Variants in ATG7 observed in about 807,000 individuals in gnomAD.
ATG7 encodes ubiquitin-like modifier-activating enzyme ATG7.
A neutral mutation model predicts 82.4 loss-of-function variants in ATG7; 70 were observed. The ratio of observed to expected loss-of-function variants is 0.85; its 90% CI spans 0.70 to 1.04. The LOEUF is 1.04. Among genes scored for constraint, ATG7 ranks in the 50% least tolerant of loss-of-function variants. The pLI is 0.00. For missense variants in ATG7, 792 were observed against 864.3 expected (o/e 0.92, Z 1.05); for synonymous variants, 287 against 313.0 (o/e 0.92, Z 0.88).
chr3:11,469,490 C>T (rs1348577204), intron 20 of ATG7, among the ~76,000 whole-genome samples: 2 of 152,150 alleles, frequency 1.3e-5, no homozygotes, highest in South Asian at 2.1e-4. Flanking sequence ...ACCAACAAAC[C>T]TACCTATTAG....
rs1314378737 is a variant in ATG7, at chr3:11,417,800, A to ATTTTT, written c.1957-9000_1957-8999insTTTTT. 2.7e-4 allele frequency among the ~76,000 whole-genome samples: 30 copies of ATTTTT among 109,342 alleles called. 1 individual carries two copies. The highest frequency in any genetic ancestry group is 9.2e-4 in the East Asian group (3 of 3,264). 71.7% of individuals were successfully genotyped at this position (109,342 alleles called of 152,430 possible). On this transcript the variant is annotated intron_variant, in intron 19 of 20. Transcript: ENST00000693202. ...CATTTAAAAAATTATTATTATTATTATTTTATTTTATTTTATTTTTTTTTT... is the reference window on the plus strand; with the variant it reads ...CATTTAAAAAATTATTATTATTATTATTTTTTTTTATTTTATTTTATTTTTTTTTT...
rs1019959119 is a variant in ATG7, at chr3:11,519,599, G to A, written c.2080-35212G>A. On this transcript the variant is annotated intron_variant, in intron 20 of 20. Transcript: ENST00000693202. ...TTTTGAGACGGAGTCTCTCTCTGTC[G>A]CCCAGGCTGGAGTGCAGTGGGGCGA... is the stretch of plus-strand genomic sequence containing the variant. 8.8e-5 allele frequency among the ~76,000 whole-genome samples: 10 copies of A among 114,184 alleles called. No individual in the cohort carries two copies. In the East Asian group the frequency reaches 2.2e-3, roughly 25 times the overall value. The allele number at this position is 114,184 out of a possible 152,430, so 74.9% of individuals were successfully genotyped here.
At chr3:11,559,999 C>T (rs954513099), downstream of ATG7, among the ~76,000 whole-genome samples, 4 of 152,116 alleles carry the variant, frequency 2.6e-5, no homozygotes, top group African/African-American at 7.2e-5. Flanking sequence ...AAGTGTGGAA[C>T]GGCACACATC....
At chr3:11,532,936 C>A (rs1342461071) in intron 20 of ATG7, among the ~76,000 whole-genome samples, 1 of 152,198 alleles carries the variant, frequency 6.6e-6, no homozygotes, top group African/African-American at 2.4e-5. Context: ...ACCACCCCAG[C>A]CCCCAGAGTC....
intron 3 of ATG7, 64 bp from the exon 4 acceptor site, chr3:11,298,622 T>C (rs1310382587): frequency 6.8e-7 from 1 of 1,474,580 alleles, no homozygotes; most frequent in East Asian, 2.3e-5. Flanking sequence ...ATTACAAATG[T>C]TCTTTCTCAC....
intron 20 of ATG7, among the ~76,000 whole-genome samples, chr3:11,459,631 G>A (rs1318682852): frequency 6.6e-6 from 1 of 152,086 alleles, no homozygotes; most frequent in African/African-American, 2.4e-5. Context: ...AGCTCTTCTT[G>A]TCTGATAACA....
At position 11,338,809 on chromosome 3, in the gene ATG7, A is replaced by G. The variant is rs536595094; in HGVS notation, c.890-1836A>G. Among the ~76,000 whole-genome samples the G allele has an allele frequency of 2.0e-5, 3 of 152,358 alleles. No homozygotes were observed. In the South Asian group the frequency reaches 6.2e-4, roughly 32 times the overall value. Reference sequence around the variant, plus strand: ...GGGGCCCAACTAGCTTTCAAGGATAATTGGTCCTATGGTTTCTCATTGACC... The same window carrying G: ...GGGGCCCAACTAGCTTTCAAGGATAGTTGGTCCTATGGTTTCTCATTGACC... On this transcript the variant is annotated intron_variant, in intron 11 of 20. Transcript: ENST00000693202.
chr3:11,493,435 T>C (rs2090562624), intron 20 of ATG7, among the ~76,000 whole-genome samples: 1 of 152,178 alleles, frequency 6.6e-6, no homozygotes, highest in Non-Finnish European at 1.5e-5. Context: ...AAAAAGACAT[T>C]ATTCAGAAAG....
chr3:11,319,002 C>T (rs1949839965), intron 9 of ATG7, among the ~76,000 whole-genome samples: 1 of 152,208 alleles, frequency 6.6e-6, no homozygotes, highest in African/African-American at 2.4e-5. Flanking sequence ...ATATCCCCAG[C>T]CTGTGAGCAA....
At chr3:11,313,199 A>C in intron 7 of ATG7, 105 bp from the exon 8 acceptor site, 1 of 646,874 alleles carries the variant, frequency 1.5e-6, no homozygotes, top group Non-Finnish European at 2.6e-6. Context: ...CTTTGTTTGC[A>C]TAGCTTTGCT....
At chr3:11,558,541 G>A (rs2125094833), downstream of ATG7, 3 of 1,595,242 alleles carry the variant, frequency 1.9e-6, no homozygotes, top group Non-Finnish European at 1.7e-6. Flanking sequence ...CGTGTTGTTG[G>A]AGGAGGCGCT....
At chr3:11,333,886 C>T (rs911198706) in intron 11 of ATG7, among the ~76,000 whole-genome samples, 10 of 151,260 alleles carry the variant, frequency 6.6e-5, no homozygotes, top group African/African-American at 2.2e-4. Context: ...TAGCTGGGAC[C>T]ACAGGCGCCC....
intron 18 of ATG7, among the ~76,000 whole-genome samples, chr3:11,371,246 GAAGAGAAGT>G (rs2076975276): frequency 6.6e-6 from 1 of 151,242 alleles, no homozygotes; most frequent in Non-Finnish European, 1.5e-5. Flanking sequence ...AAGGGAAAAG[GAAGAGAAGT>G]AAGTGCTTTA....
At chr3:11,510,344 C>G (rs1383512764) in intron 20 of ATG7, 1 of 451,932 alleles carries the variant, frequency 2.2e-6, no homozygotes, top group South Asian at 1.6e-5. Flanking sequence ...GTGTTATTAC[C>G]TCTTATTTGT....
rs1298502537 is a variant in ATG7 at position 11,427,511 on chromosome 3, G to A, written c.2079+585G>A. On this transcript the variant is annotated intron_variant, in intron 20 of 20. Transcript: ENST00000693202. Reference sequence around the variant, plus strand: ...GCATCATTTTTTTTTTTTTTTTAAAGACTGAGTTTAAGAAATAAATTATCG... The same window carrying A: ...GCATCATTTTTTTTTTTTTTTTAAAAACTGAGTTTAAGAAATAAATTATCG... Among the ~76,000 whole-genome samples, 4 of 130,066 alleles carry A rather than the reference G, an allele frequency of 3.1e-5. No homozygotes were observed. The East Asian group carries it at 6.8e-4, about 22-fold the overall frequency. 85.3% of individuals were successfully genotyped at this position (130,066 alleles called of 152,430 possible). A position where few individuals can be genotyped will look rare whatever the true frequency, so the allele number is the denominator to read the frequency against.
rs780383096 is a variant in ATG7, at chr3:11,358,607, A to G, written c.1474A>G (p.Arg492Gly). 1.2e-6 allele frequency: 2 copies of G among 1,612,788 alleles called. No individual in the cohort carries two copies. The highest frequency in any genetic ancestry group is 1.7e-6 in the Non-Finnish European group (2 of 1,179,808). The change falls in exon 15 of 21, where the codon AGA (arginine) becomes GGA (glycine). Residue 492 changes from arginine to glycine, a missense_variant. Transcript: ENST00000693202. The part of the protein sequence containing the change: ...WLPAVIAASK[R>G]KLVINAALGF... Reference sequence around the variant, plus strand: ...TCCTGCCGTCATTGCTGCAAGCAAGAGAAAGGTAGGCCCTGTCTCTAATTA... The same window carrying G: ...TCCTGCCGTCATTGCTGCAAGCAAGGGAAAGGTAGGCCCTGTCTCTAATTA...
At chr3:11,564,748 T>C in the ATG7 span, 2 of 1,506,650 alleles carry the variant, frequency 1.3e-6, no homozygotes, top group Non-Finnish European at 8.8e-7. Context: ...TCCAGCCCAG[T>C]CCCCCAGCCC....
chr3:11,531,136 C>T (rs7651790), intron 20 of ATG7, among the ~76,000 whole-genome samples: 23,465 of 152,118 alleles, frequency 0.15, 1,982 homozygotes, highest in Middle Eastern at 0.24. Flanking sequence ...AAGTTATTCT[C>T]CTGCCTGGTG....
chr3:11,310,634 G>GTT (rs1210766518), intron 7 of ATG7, among the ~76,000 whole-genome samples: 49 of 142,090 alleles, frequency 3.4e-4, no homozygotes, highest in Non-Finnish European at 2.8e-4. Context: ...TAATTCTGTA[G>GTT]TTTTTTTTTT....
Sources: gnomAD v4.1 joint callset for allele counts (sites outside exome capture counted in the v4.1 genomes callset) on GRCh38, gnomAD v4.1.1 for gene constraint, MANE v1.5 for transcripts, NCBI Gene and HGNC (gene_info 2026-07-23, HGNC 2026-07-21) for gene names.